The following CFH variants were observed in gnomAD, a reference collection of about 807,000 sequenced individuals.
CFH encodes the protein complement factor H.
CFH carries 53 observed loss-of-function variants against 147.3 expected under a neutral mutation model. The observed-to-expected ratio is 0.36, with a 90% CI of 0.29 to 0.45. CFH has a LOEUF of 0.45. Among genes scored for constraint, CFH ranks in the 20% least tolerant of loss-of-function variants. The probability of loss-of-function intolerance (pLI) is 1.00; values close to 1 mark genes in which losing one functional copy is unlikely to be tolerated. For missense variants in CFH, 1,380 were observed against 1,498.0 expected, an observed-to-expected ratio of 0.92 and a Z score of 1.30; for synonymous variants, 536 against 489.4, an observed-to-expected ratio of 1.10 and a Z score of -1.26.
At chr1:196,737,730 G>A (rs1028915816) in intron 17 of CFH, 70 bp downstream of exon 17, 7 of 1,304,684 alleles carry the variant, frequency 5.4e-6, no homozygotes, top group Non-Finnish European at 7.7e-6. Flanking sequence ...TGTTATCAAA[G>A]TGAGGGGAAT....
At position 196,729,949 on chromosome 1, in the gene CFH, G is replaced by A. The variant is rs533967749; in HGVS notation, c.2413+1427G>A. Among the ~76,000 whole-genome samples, 8 of 151,290 alleles carry A rather than the reference G, an allele frequency of 5.3e-5. No homozygotes were observed. The South Asian group carries it at 6.3e-4, about 12-fold the overall frequency. ...TTGTAATATCACCCTTTTCATCTCC[G>A]ATCTTGTGTTTCTTTAAGCCGTATC... On this transcript the variant is annotated intron_variant, in intron 15 of 21. Coordinates refer to ENST00000367429, the MANE Select transcript of CFH (RefSeq NM_000186.4).
chr1:196,701,396 C>A (rs1454093495), intron 9 of CFH: 7 of 1,612,680 alleles, frequency 4.3e-6, no homozygotes, highest in Non-Finnish European at 5.9e-6. Flanking sequence ...GCCAATGGAA[C>A]CAAGTTTGAG....
chr1:196,723,348 G>A (rs1357228034), intron 11 of CFH, among the ~76,000 whole-genome samples: 1 of 152,138 alleles, frequency 6.6e-6, no homozygotes, highest in Non-Finnish European at 1.5e-5. Context: ...ACCTTGGTTA[G>A]AGATAACTTT....
chr1:196,663,401 A>G (rs1325274104), intron 1 of CFH, among the ~76,000 whole-genome samples: 10 of 152,154 alleles, frequency 6.6e-5, no homozygotes. Context: ...CATTTTTAGA[A>G]ATTATATTTG....
chr1:196,694,387 C>A (rs1668176584), intron 9 of CFH, among the ~76,000 whole-genome samples: 2 of 152,196 alleles, frequency 1.3e-5, no homozygotes, highest in Non-Finnish European at 2.9e-5. Context: ...GCCACATTTT[C>A]TTTATCCAGT....
intron 4 of CFH, among the ~76,000 whole-genome samples, chr1:196,676,781 T>C (rs1270553483): frequency 6.6e-6 from 1 of 151,890 alleles, no homozygotes; most frequent in Admixed American, 6.6e-5. Context: ...TCTATGAAAA[T>C]TGGAGGAAGA....
chr1:196,698,043 T>G (rs949794022), intron 9 of CFH, among the ~76,000 whole-genome samples: 1 of 149,138 alleles, frequency 6.7e-6, no homozygotes, highest in African/African-American at 2.4e-5. Flanking sequence ...TTAGGAGATA[T>G]ACCTAATGTT....
chr1:196,718,116 C>T (rs986430720), intron 11 of CFH, among the ~76,000 whole-genome samples: 2 of 152,056 alleles, frequency 1.3e-5, no homozygotes, highest in Non-Finnish European at 2.9e-5. Flanking sequence ...AAATTTGACT[C>T]ATTCCTGCTG....
intron 9 of CFH, among the ~76,000 whole-genome samples, chr1:196,692,716 C>G (rs201846258): frequency 0.51 from 58,659 of 114,822 alleles, 18,018 homozygotes; most frequent in East Asian, 0.95. Context: ...CTTTTTCTTT[C>G]TTTCTTTCTT....
rs62625015 is a variant in CFH, at chr1:196,743,544, C to G, written c.3226C>G (p.Gln1076Glu). The G allele has an allele frequency of 3.0e-4, 491 of 1,613,850 alleles. 1 individual carries two copies. Among genetic ancestry groups the G allele is most frequent in the Admixed American group, 9.7e-4 (58 of 59,978 alleles). The change falls in exon 20 of 22, where the codon CAA (glutamine) becomes GAA (glutamate). Residue 1076 changes from glutamine to glutamate, a missense_variant. Transcript: ENST00000367429. ...KYPSGERVRYQCRSPYEMFGD... is the reference protein window; with the variant it reads ...KYPSGERVRYECRSPYEMFGD... The stretch of plus-strand genomic sequence containing the variant: ...TCCATCTGGTGAGAGAGTACGTTAT[C>G]AATGTAGGAGCCCTTATGAAATGTT...
At chr1:196,741,775 C>T in intron 18 of CFH, 100 bp from the exon 19 acceptor site, 1 of 1,080,194 alleles carries the variant, frequency 9.3e-7, no homozygotes, top group Admixed American at 1.8e-5. Flanking sequence ...GTACAGTATT[C>T]ATTGATTCTA....
In CFH at chr1:196,741,977, C is replaced by T; in HGVS notation, c.3059C>T (p.Thr1020Ile). The change falls in exon 19 of 22, where the codon ACA (threonine) becomes ATA (isoleucine). Residue 1020 changes from threonine to isoleucine, a missense_variant. Physicochemically the swap from Thr to Ile is moderately conservative, Grantham distance 89 (BLOSUM62 -1). Coordinates refer to ENST00000367429, the MANE Select transcript of CFH (RefSeq NM_000186.4). ...AGEQVTYTCA[T>I]YYKMDGASNV... ...GAGCAAGTGACTTACACTTGTGCAA[C>T]ATATTACAAAATGGATGGAGCCAGT... 6.2e-7 allele frequency: 1 copy of T among 1,614,104 alleles called. No homozygotes were observed. Among genetic ancestry groups the T allele is most frequent in the Non-Finnish European group, 8.5e-7 (1 of 1,180,016 alleles).
In CFH at chr1:196,715,490, T is replaced by C. The variant is rs1428635186; in HGVS notation, c.1520-103T>C. 3.4e-6 allele frequency: 3 copies of C among 871,350 alleles called. No homozygotes were observed. In the African/African-American group the frequency reaches 5.0e-5, roughly 15 times the overall value. 54.0% of individuals were successfully genotyped at this position (871,350 alleles called of 1,614,324 possible). ...TTATTTTTGTACGGTACCTATTTAT[T>C]AGTAGATCTAATCAATAAAGCTTTT... On this transcript the variant is annotated intron_variant, in intron 10 of 21. Coordinates refer to ENST00000367429, the MANE Select transcript of CFH (RefSeq NM_000186.4).
intron 9 of CFH, among the ~76,000 whole-genome samples, chr1:196,691,149 A>G (rs1042938217): frequency 3.9e-5 from 6 of 151,902 alleles, no homozygotes; most frequent in Non-Finnish European, 7.4e-5. Context: ...CTCAACTCCT[A>G]TATCAATATT....
intron 17 of CFH, among the ~76,000 whole-genome samples, chr1:196,740,071 C>A (rs1652758337): frequency 6.6e-6 from 1 of 152,122 alleles, no homozygotes; most frequent in Non-Finnish European, 1.5e-5. Context: ...CACGCAGTAT[C>A]ATGAGAACAG....
intron 1 of CFH, among the ~76,000 whole-genome samples, chr1:196,658,021 A>G (rs1666763261): frequency 6.6e-6 from 1 of 152,124 alleles, no homozygotes; most frequent in African/African-American, 2.4e-5. Flanking sequence ...ATAATAAGTA[A>G]TTAGCTTGGT....
chr1:196,677,484 T>C lies in CFH; in HGVS notation c.436T>C (p.Cys146Arg), dbSNP rs1667495179. The C allele has an allele frequency of 6.2e-7, 1 of 1,612,858 alleles. No homozygotes were observed. The highest frequency in any genetic ancestry group is 1.1e-5 in the South Asian group (1 of 91,064). Residue 146 changes from cysteine to arginine, a missense_variant, in exon 5 of 22, where the codon TGT becomes CGT. Around this residue, in one of 4 missense-constraint regions of CFH, gnomAD observed 260 missense variants for 263.3 expected, o/e 0.99. Transcript: ENST00000367429. ...ACATGTATTTTCTTCAGTTGTGAAG[T>C]GTTTACCAGTGACAGCACCAGAGAA... ...NDIPICEVVKCLPVTAPENGK... is the reference protein window; with the variant it reads ...NDIPICEVVKRLPVTAPENGK...
intron 15 of CFH, 32 bp from the exon 16 acceptor site, chr1:196,736,792 A>G: frequency 9.5e-7 from 1 of 1,053,628 alleles, no homozygotes; most frequent in South Asian, 3.4e-5. Context: ...ATTTTTTATT[A>G]TAACATTAAT....
At chr1:196,740,193 G>T (rs1283938193) in intron 17 of CFH, among the ~76,000 whole-genome samples, 1 of 152,186 alleles carries the variant, frequency 6.6e-6, no homozygotes, top group Non-Finnish European at 1.5e-5. Context: ...TGGGGACACA[G>T]CTAAACCTGT....
Sources: allele counts gnomAD v4.1 joint callset (sites outside exome capture counted in the v4.1 genomes callset), GRCh38; gene constraint gnomAD v4.1.1; regional missense constraint gnomAD v4.1.1; transcripts MANE v1.5; gene names NCBI Gene and HGNC (gene_info 2026-07-23, HGNC 2026-07-21).